The following XKR6 variants were observed in gnomAD, a reference collection of about 807,000 sequenced individuals.
The protein encoded by XKR6 is XK-related protein 6.
In XKR6, 22 loss-of-function variants were observed where a neutral mutation model predicts 56.7. The observed-to-expected ratio is 0.39, with a 90% CI of 0.28 to 0.55. The LOEUF is 0.55. Ranked by LOEUF, XKR6 falls within the 20% of genes least tolerant of loss-of-function variation. The pLI, the probability that XKR6 is intolerant of heterozygous loss-of-function variation, is 0.66. For synonymous variants in XKR6, 524 were observed against 387.8 expected (o/e 1.35, Z -4.13); for missense variants, 852 against 889.0 (o/e 0.96, Z 0.53).
At chr8:10,916,183 CATT>C (rs1800559775) in intron 2 of XKR6, among the ~76,000 whole-genome samples, 1 of 152,220 alleles carries the variant, frequency 6.6e-6, no homozygotes, top group African/African-American at 2.4e-5. Flanking sequence ...CCAGGTGAGT[CATT>C]ATGCAATGTC....
rs545848040 is a variant in XKR6 at position 11,000,868 on chromosome 8, C to T, written c.765-76038G>A. Among the ~76,000 whole-genome samples the T allele has an allele frequency of 3.9e-5, 6 of 152,212 alleles. No individual in the cohort carries two copies. The East Asian group carries it at 7.7e-4, about 20-fold the overall frequency. ...AAGGAAATTCCCAGATGAGATTCCACGAACACTTTCTGGACACGTGGTCCA... is the reference window on the plus strand; with the variant it reads ...AAGGAAATTCCCAGATGAGATTCCATGAACACTTTCTGGACACGTGGTCCA... On this transcript the variant is annotated intron_variant, in intron 1 of 2. Coordinates refer to ENST00000416569, the MANE Select transcript of XKR6 (RefSeq NM_173683.4).
At chr8:11,173,261 G>A (rs1004256041) in intron 1 of XKR6, among the ~76,000 whole-genome samples, 3 of 151,406 alleles carry the variant, frequency 2.0e-5, no homozygotes, top group African/African-American at 7.3e-5. Flanking sequence ...GGAGAATGGC[G>A]TGAACCCAGG....
intron 1 of XKR6, among the ~76,000 whole-genome samples, chr8:11,064,674 G>A (rs1799931739): frequency 1.3e-5 from 2 of 152,034 alleles, no homozygotes; most frequent in Non-Finnish European, 2.9e-5. Context: ...TTCCCTCCAG[G>A]CATTTATAAT....
At chr8:11,146,903 T>C (rs966461221) in intron 1 of XKR6, among the ~76,000 whole-genome samples, 8 of 151,984 alleles carry the variant, frequency 5.3e-5, no homozygotes, top group Non-Finnish European at 1.2e-4. Flanking sequence ...ATCTCACTTA[T>C]ATGTGGAATC....
intron 1 of XKR6, among the ~76,000 whole-genome samples, chr8:11,166,423 G>A (rs1221338748): frequency 2.0e-5 from 3 of 152,114 alleles, no homozygotes; most frequent in African/African-American, 4.8e-5. Context: ...CCCAAGAACT[G>A]TGAGAGATAA....
intron 1 of XKR6, among the ~76,000 whole-genome samples, chr8:11,084,671 T>C (rs1249930842): frequency 6.6e-6 from 1 of 152,200 alleles, no homozygotes; most frequent in Non-Finnish European, 1.5e-5. Context: ...TTACCAGACT[T>C]CAGCTTTCAG....
At chr8:11,175,933 CAAAAGA>C (rs1486523857) in intron 1 of XKR6, among the ~76,000 whole-genome samples, 1 of 152,114 alleles carries the variant, frequency 6.6e-6, no homozygotes, top group African/African-American at 2.4e-5. Flanking sequence ...TTGGTCTTCT[CAAAAGA>C]AAAACAGGGA....
intron 1 of XKR6, chr8:11,035,356 A>C: frequency 1.9e-6 from 1 of 533,950 alleles, no homozygotes; most frequent in Non-Finnish European, 3.9e-6. Context: ...AGGAGCCAGG[A>C]GATCAAATCA....
rs76887366 is a variant in XKR6, at chr8:11,186,570, G to A, written c.764+14006C>T. On this transcript the variant is annotated intron_variant, in intron 1 of 2. Transcript: ENST00000416569. ...TCTATTTTTAATTTTTGTAGAGACA[G>A]GGTCTGCCTACATTGCCCAGGTTGG... is the stretch of plus-strand genomic sequence containing the variant. 9.9e-5 allele frequency among the ~76,000 whole-genome samples: 15 copies of A among 152,262 alleles called. No homozygotes were observed. In the East Asian group the frequency reaches 2.9e-3, roughly 29 times the overall value.
intron 1 of XKR6, among the ~76,000 whole-genome samples, chr8:11,042,222 G>C (rs1471272337): frequency 1.3e-5 from 2 of 150,872 alleles, no homozygotes; most frequent in African/African-American, 2.4e-5. Context: ...GACCAGAAGT[G>C]TTTAGGATTC....
intron 1 of XKR6, among the ~76,000 whole-genome samples, chr8:11,128,112 A>C (rs1233180917): frequency 6.6e-6 from 1 of 152,198 alleles, no homozygotes; most frequent in Non-Finnish European, 1.5e-5. Flanking sequence ...TTAAACAACA[A>C]ATTAGCTAGA....
intron 1 of XKR6, among the ~76,000 whole-genome samples, chr8:11,117,316 CTT>C (rs1284934728): frequency 2.6e-5 from 4 of 152,318 alleles, no homozygotes; most frequent in East Asian, 1.9e-4. Flanking sequence ...ACATACGCCT[CTT>C]GTCTCCTAAC....
chr8:10,924,401 G>A (rs927515856), intron 2 of XKR6, among the ~76,000 whole-genome samples: 1 of 152,268 alleles, frequency 6.6e-6, no homozygotes, highest in Non-Finnish European at 1.5e-5. Flanking sequence ...TCACATGGAC[G>A]AAGTGGCCTG....
intron 1 of XKR6, among the ~76,000 whole-genome samples, chr8:10,995,426 T>C (rs1798087942): frequency 6.8e-6 from 1 of 147,856 alleles, no homozygotes; most frequent in Non-Finnish European, 1.5e-5. Context: ...ATTTACTATA[T>C]CTACTATAAC....
chr8:10,977,689 G>C (rs1377720272), intron 1 of XKR6, among the ~76,000 whole-genome samples: 2 of 150,094 alleles, frequency 1.3e-5, no homozygotes, highest in Non-Finnish European at 3.0e-5. Flanking sequence ...ACGGAGGTGG[G>C]TTCGGGGATA....
chr8:10,923,440 T>G (rs1450018090), intron 2 of XKR6, among the ~76,000 whole-genome samples: 1 of 152,240 alleles, frequency 6.6e-6, no homozygotes, highest in African/African-American at 2.4e-5. Flanking sequence ...CAGGCGAGCC[T>G]GTCAGCAGCA....
chr8:11,086,157 T>TAAA (rs1286798716), intron 1 of XKR6, among the ~76,000 whole-genome samples: 15 of 147,982 alleles, frequency 1.0e-4, no homozygotes, highest in African/African-American at 3.3e-4. Context: ...TATTTTTTTT[T>TAAA]AAAAAAAACA....
At chr8:11,036,378 A>C (rs953659998) in intron 1 of XKR6, among the ~76,000 whole-genome samples, 1 of 152,230 alleles carries the variant, frequency 6.6e-6, no homozygotes, top group African/African-American at 2.4e-5. Context: ...CTGTGCCCCT[A>C]TTTAAAGTAA....
At chr8:11,001,176 C>T (rs1264397551) in intron 1 of XKR6, among the ~76,000 whole-genome samples, 1 of 152,222 alleles carries the variant, frequency 6.6e-6, no homozygotes, top group African/African-American at 2.4e-5. Flanking sequence ...AAATTTTCTC[C>T]TCCTACTCAA....
Sources: allele counts gnomAD v4.1 joint callset (sites outside exome capture counted in the v4.1 genomes callset), GRCh38; gene constraint gnomAD v4.1.1; transcripts MANE v1.5; gene names NCBI Gene and HGNC (gene_info 2026-07-23, HGNC 2026-07-21).